TAFA5: variants seen among roughly 807,000 people sequenced by gnomAD.
The protein encoded by TAFA5 is TAFA chemokine like family member 5, also known as chemokine-like protein TAFA-5.
In TAFA5, 6 loss-of-function variants were observed where a neutral mutation model predicts 15.3. The ratio of observed to expected loss-of-function variants is 0.39; its 90% confidence interval spans 0.21 to 0.77. The LOEUF is 0.77. Ranked by LOEUF, TAFA5 falls within the 30% of genes least tolerant of loss-of-function variation. The probability of loss-of-function intolerance (pLI) is 0.41; values close to 1 mark genes in which losing one functional copy is unlikely to be tolerated. For missense variants in TAFA5, 161 were observed against 193.1 expected, an observed-to-expected ratio of 0.83 and a Z score of 0.98; for synonymous variants, 103 against 80.7, an observed-to-expected ratio of 1.28 and a Z score of -1.48.
intron 1 of TAFA5, among the ~76,000 whole-genome samples, chr22:48,582,080 T>A (rs539627131): frequency 2.6e-5 from 4 of 152,062 alleles, no homozygotes; most frequent in South Asian, 2.1e-4. Flanking sequence ...GTGGGAGCCC[T>A]GACCTGCCTG....
At chr22:48,559,602 C>T (rs879106096) in intron 1 of TAFA5, among the ~76,000 whole-genome samples, 3 of 152,198 alleles carry the variant, frequency 2.0e-5, no homozygotes, top group Admixed American at 2.0e-4. Context: ...CAGCCGTCAC[C>T]GAGAGGGCTT....
chr22:48,572,168 A>G (rs1471128345), intron 1 of TAFA5, among the ~76,000 whole-genome samples: 1 of 152,186 alleles, frequency 6.6e-6, no homozygotes, highest in African/African-American at 2.4e-5. Flanking sequence ...GCTGAGCCTG[A>G]CTTCTCTTTC....
chr22:48,529,578 G>A (rs1601557919), intron 1 of TAFA5, among the ~76,000 whole-genome samples: 1 of 66,066 alleles, frequency 1.5e-5, no homozygotes. Context: ...GCAGGAGATG[G>A]GGGTGTCCAG....
At chr22:48,607,772 GAC>G (rs1925248264) in intron 1 of TAFA5, among the ~76,000 whole-genome samples, 1 of 151,626 alleles carries the variant, frequency 6.6e-6, no homozygotes, top group African/African-American at 2.4e-5. Context: ...GCAGCAGGCA[GAC>G]CCAAAGGAGA....
At chr22:48,686,118 C>T (rs1928346541) in intron 2 of TAFA5, among the ~76,000 whole-genome samples, 1 of 152,204 alleles carries the variant, frequency 6.6e-6, no homozygotes, top group Admixed American at 6.5e-5. Flanking sequence ...TCTTTCAAAG[C>T]TCCTTCCAGC....
chr22:48,680,038 C>G (rs2147229509), intron 2 of TAFA5, among the ~76,000 whole-genome samples: 1 of 152,352 alleles, frequency 6.6e-6, no homozygotes, highest in South Asian at 2.1e-4. Flanking sequence ...CGTGAGGCTG[C>G]AGAGGGCCCG....
chr22:48,736,713 G>A (rs530486515), intron 3 of TAFA5, among the ~76,000 whole-genome samples: 71 of 152,216 alleles, frequency 4.7e-4, no homozygotes, highest in Non-Finnish European at 8.1e-4. Flanking sequence ...GAAACATGAC[G>A]CCGAGTGAAG....
Position 48,634,464 on chromosome 22 carries a change from TTCACTCAA to T in TAFA5, c.113-12118_113-12111del, listed in dbSNP as rs781492074. ...ATTAACTCATTTAGTCACTCACTCA[TTCACTCAA>T]TCACTCAATCACTCCTTGACTCCTT... On this transcript the variant is annotated intron_variant, in intron 1 of 3. Transcript: ENST00000402357. Among the ~76,000 whole-genome samples the T allele has an allele frequency of 7.8e-3, 1,169 of 149,784 alleles. 15 individuals carry two copies. The highest frequency in any genetic ancestry group is 0.023 in the African/African-American group (935 of 40,324).
intron 1 of TAFA5, among the ~76,000 whole-genome samples, chr22:48,633,295 G>T (rs1309889964): frequency 6.6e-6 from 1 of 152,230 alleles, no homozygotes. Flanking sequence ...CATGGCTGTG[G>T]CCTGGGAGAC....
intron 2 of TAFA5, among the ~76,000 whole-genome samples, chr22:48,665,378 C>G (rs549959170): frequency 6.6e-6 from 1 of 152,302 alleles, no homozygotes; most frequent in South Asian, 2.1e-4. Flanking sequence ...AGCAGAAATT[C>G]TTAATGTTAG....
chr22:48,637,666 T>A (rs1486378825), intron 1 of TAFA5, among the ~76,000 whole-genome samples: 2 of 152,034 alleles, frequency 1.3e-5, no homozygotes, highest in Admixed American at 6.6e-5. Context: ...GTGTGTGGTT[T>A]GTGTGTTTCG....
chr22:48,544,928 A>G (rs1383517299), intron 1 of TAFA5: 1 of 467,348 alleles, frequency 2.1e-6, no homozygotes, highest in South Asian at 1.6e-5. Flanking sequence ...GCAAGGCCCT[A>G]CGGGTGTGAA....
chr22:48,646,100 T>C (rs937066049), intron 1 of TAFA5, among the ~76,000 whole-genome samples: 2 of 152,158 alleles, frequency 1.3e-5, no homozygotes, highest in African/African-American at 4.8e-5. Context: ...GCGTGGCTGG[T>C]TCCACACAAC....
chr22:48,543,038 C>A (rs1922518882), intron 1 of TAFA5, among the ~76,000 whole-genome samples: 1 of 151,772 alleles, frequency 6.6e-6, no homozygotes, highest in Non-Finnish European at 1.5e-5. Flanking sequence ...CATAGTGGGA[C>A]CCCGATCTGG....
chr22:48,539,336 C>T (rs772709153), intron 1 of TAFA5: 6 of 470,644 alleles, frequency 1.3e-5, no homozygotes, highest in Non-Finnish European at 2.6e-5. Flanking sequence ...AAAGCCGATA[C>T]CCTAATAGGA....
chr22:48,591,195 T>A (rs1444503010), intron 1 of TAFA5, among the ~76,000 whole-genome samples: 1 of 152,262 alleles, frequency 6.6e-6, no homozygotes, highest in Non-Finnish European at 1.5e-5. Context: ...TGGCTTGGCC[T>A]TGACAGCAAC....
chr22:48,726,648 G>A (rs369777496), intron 3 of TAFA5, among the ~76,000 whole-genome samples: 3 of 151,318 alleles, frequency 2.0e-5, no homozygotes, highest in African/African-American at 7.3e-5. Context: ...AGTGGTGGTG[G>A]GCTGGACAGG....
In TAFA5 at chr22:48,735,960, AT is replaced by A. The variant is rs1264066272; in HGVS notation, c.391-13878del. 8.3e-5 allele frequency among the ~76,000 whole-genome samples: 11 copies of A among 132,744 alleles called. No individual in the cohort carries two copies. The East Asian group carries it at 2.6e-3, about 31-fold the overall frequency. 87.1% of individuals were successfully genotyped at this position (132,744 alleles called of 152,430 possible). The stretch of plus-strand genomic sequence containing the variant: ...ATCGCACTCCTAGAGTCCAGAGTCC[AT>A]CCCCCCAGGAGGAATGAGAATCGCA... On this transcript the variant is annotated intron_variant, in intron 3 of 3. Transcript: ENST00000402357.
At chr22:48,502,447 C>T (rs141228049) in intron 1 of TAFA5, among the ~76,000 whole-genome samples, 2 of 151,932 alleles carry the variant, frequency 1.3e-5, no homozygotes, top group African/African-American at 2.4e-5. Context: ...GCAGCAGTTA[C>T]AGTGTTAATG....
Sources: allele counts gnomAD v4.1 joint callset (sites outside exome capture counted in the v4.1 genomes callset), GRCh38; gene constraint gnomAD v4.1.1; transcripts MANE v1.5; gene names NCBI Gene and HGNC (gene_info 2026-07-23, HGNC 2026-07-21).